The following FRK variants were observed in gnomAD, a reference collection of about 807,000 sequenced individuals.
FRK encodes the protein tyrosine-protein kinase FRK.
A neutral mutation model predicts 56.4 loss-of-function variants in FRK; 51 were observed. The observed-to-expected ratio is 0.90, with a 90% CI of 0.72 to 1.14. FRK has a LOEUF of 1.14. Among genes scored for constraint, FRK ranks in the 50% most tolerant of loss-of-function variants. The pLI, the probability that FRK is intolerant of heterozygous loss-of-function variation, is 0.00. For missense variants in FRK, 570 were observed against 601.4 expected, an observed-to-expected ratio of 0.95 and a Z score of 0.55; for synonymous variants, 245 against 217.9, an observed-to-expected ratio of 1.12 and a Z score of -1.10.
chr6:116,054,101 T>A (rs1198121341), intron 1 of FRK, among the ~76,000 whole-genome samples: 1 of 151,806 alleles, frequency 6.6e-6, no homozygotes, highest in Non-Finnish European at 1.5e-5. Flanking sequence ...ATTTATTATA[T>A]AACAAATTGA....
the FRK span, among the ~76,000 whole-genome samples, chr6:116,090,661 A>G: frequency 6.6e-6 from 1 of 152,242 alleles, no homozygotes; most frequent in African/African-American, 2.4e-5. Context: ...AGCCATGCAT[A>G]TGGATGCCAT....
intron 2 of FRK, among the ~76,000 whole-genome samples, chr6:115,970,854 A>G (rs1773782897): frequency 6.6e-6 from 1 of 152,214 alleles, no homozygotes; most frequent in African/African-American, 2.4e-5. Context: ...TCAAGGCTGC[A>G]GAGAGTTATG....
the FRK span, among the ~76,000 whole-genome samples, chr6:116,075,477 A>C: frequency 2.6e-5 from 4 of 151,664 alleles, no homozygotes; most frequent in Non-Finnish European, 5.9e-5. Context: ...AAAAAAAAAA[A>C]AAAAAACCTG....
At chr6:116,086,206 C>CA in the FRK span, among the ~76,000 whole-genome samples, 1 of 152,054 alleles carries the variant, frequency 6.6e-6, no homozygotes, top group Non-Finnish European at 1.5e-5. Context: ...TTTAAAAATA[C>CA]AGCTTTAAAA....
chr6:116,021,267 G>A (rs1355020701), intron 1 of FRK, among the ~76,000 whole-genome samples: 1 of 151,342 alleles, frequency 6.6e-6, no homozygotes, highest in Admixed American at 6.6e-5. Flanking sequence ...AAAAAGAAAA[G>A]AAGGGTCACA....
intron 5 of FRK, among the ~76,000 whole-genome samples, chr6:115,944,795 G>A (rs1263836283): frequency 6.6e-6 from 1 of 151,916 alleles, no homozygotes; most frequent in Admixed American, 6.6e-5. Flanking sequence ...TGTCATGGGG[G>A]GGTTATTGCA....
rs1777590384 is a variant in FRK, at chr6:116,060,532, C to T, written c.-221G>A. On this transcript the variant is annotated 5_prime_UTR_variant, in exon 1 of 8. Coordinates refer to ENST00000606080, the MANE Select transcript of FRK (RefSeq NM_002031.3). Reference sequence around the variant, plus strand: ...TGCTTTCTGTGGCTGGAGGTGCTACCCCGAGGCAAAACTGAGCAGGAGCTG... The same window carrying T: ...TGCTTTCTGTGGCTGGAGGTGCTACTCCGAGGCAAAACTGAGCAGGAGCTG... 7 of 521,028 alleles carry T rather than the reference C, an allele frequency of 1.3e-5. No homozygotes were observed. Among genetic ancestry groups the T allele is most frequent in the Non-Finnish European group, 2.4e-5 (7 of 293,290 alleles). The allele number at this position is 521,028 out of a possible 1,614,324, so 32.3% of individuals were successfully genotyped here.
chr6:116,067,286 T>C, the FRK span, among the ~76,000 whole-genome samples: 1 of 152,238 alleles, frequency 6.6e-6, no homozygotes, highest in Non-Finnish European at 1.5e-5. Context: ...TATGGAAGAA[T>C]AGAGTGCTGT....
intron 2 of FRK, among the ~76,000 whole-genome samples, chr6:115,979,053 C>T (rs890513166): frequency 1.7e-5 from 2 of 116,290 alleles, no homozygotes; most frequent in Non-Finnish European, 3.7e-5. Flanking sequence ...GACTCTGTCT[C>T]AAAAAAAAAA....
At chr6:116,080,069 T>C in the FRK span, among the ~76,000 whole-genome samples, 3 of 152,136 alleles carry the variant, frequency 2.0e-5, no homozygotes, top group Non-Finnish European at 2.9e-5. Context: ...AATAAAAGTA[T>C]TTGAGTTAGA....
chr6:116,082,261 G>A, the FRK span, among the ~76,000 whole-genome samples: 2 of 152,190 alleles, frequency 1.3e-5, no homozygotes, highest in Non-Finnish European at 2.9e-5. Context: ...ACACCTTGTT[G>A]CACCATGATG....
chr6:116,036,610 T>C (rs1402683972), intron 1 of FRK, among the ~76,000 whole-genome samples: 1 of 152,142 alleles, frequency 6.6e-6, no homozygotes, highest in Non-Finnish European at 1.5e-5. Context: ...CCCAAAACTG[T>C]TGAGCAAAGA....
chr6:116,005,778 C>T (rs1224613913), intron 1 of FRK, among the ~76,000 whole-genome samples: 2 of 151,926 alleles, frequency 1.3e-5, no homozygotes, highest in African/African-American at 4.8e-5. Context: ...AAAACTGATA[C>T]CTAAATATAC....
At chr6:116,023,437 T>C (rs1349030171) in intron 1 of FRK, among the ~76,000 whole-genome samples, 4 of 152,132 alleles carry the variant, frequency 2.6e-5, no homozygotes, top group Admixed American at 6.6e-5. Flanking sequence ...TATAGTCAAC[T>C]GGTACTCAGA....
At chr6:116,088,131 T>C in the FRK span, among the ~76,000 whole-genome samples, 1 of 152,194 alleles carries the variant, frequency 6.6e-6, no homozygotes, top group Admixed American at 6.5e-5. Flanking sequence ...ACAACAGTGA[T>C]CTTGATGTTG....
At position 116,024,384 on chromosome 6, in the gene FRK, T is replaced by TA. The variant is rs1372815807; in HGVS notation, c.345-20387dup. Among the ~76,000 whole-genome samples the TA allele has an allele frequency of 9.2e-5, 14 of 151,682 alleles. No homozygotes were observed. The South Asian group carries it at 2.7e-3, about 29-fold the overall frequency. On this transcript the variant is annotated intron_variant, in intron 1 of 7. Transcript: ENST00000606080. ...CACCCACTAACTCGTCATCTAGCAT[T>TA]AGGTATATCTCCCAATGCTATCCCT...
At chr6:115,946,308 C>A (rs1772450235) in intron 5 of FRK, among the ~76,000 whole-genome samples, 1 of 152,108 alleles carries the variant, frequency 6.6e-6, no homozygotes. Context: ...TGACCTTGGG[C>A]AAGCAGCTTA....
At chr6:116,054,222 C>T (rs1777287191) in intron 1 of FRK, among the ~76,000 whole-genome samples, 1 of 150,300 alleles carries the variant, frequency 6.7e-6, no homozygotes, top group African/African-American at 2.4e-5. Context: ...TTGTCATATT[C>T]TTATTTTACA....
At chr6:115,958,428 G>C (rs1184155009) in intron 4 of FRK, among the ~76,000 whole-genome samples, 1 of 152,026 alleles carries the variant, frequency 6.6e-6, no homozygotes, top group African/African-American at 2.4e-5. Flanking sequence ...GGAGTTAAGA[G>C]ACCAGCCTGG....
Sources: allele counts gnomAD v4.1 joint callset (sites outside exome capture counted in the v4.1 genomes callset), GRCh38; gene constraint gnomAD v4.1.1; transcripts MANE v1.5; gene names NCBI Gene and HGNC (gene_info 2026-07-23, HGNC 2026-07-21).